KCNH2: variants seen among roughly 807,000 people sequenced by gnomAD.
KCNH2 encodes potassium voltage-gated channel subfamily H member 2.
In KCNH2, 35 loss-of-function variants were observed where a neutral mutation model predicts 95.9. The ratio of observed to expected loss-of-function variants is 0.37; its 90% CI spans 0.28 to 0.48. The LOEUF is 0.48. Among genes scored for constraint, KCNH2 ranks in the 20% least tolerant of loss-of-function variants. KCNH2 has a pLI of 0.99. For missense variants in KCNH2, 1,274 were observed against 1,702.9 expected (o/e 0.75, Z 4.43); for synonymous variants, 786 against 754.7 (o/e 1.04, Z -0.68).
chr7:150,957,845 A>G lies in KCNH2; in HGVS notation c.916+214T>C, dbSNP rs41314411. Among the ~76,000 whole-genome samples, 84 of 152,370 alleles carry G rather than the reference A, an allele frequency of 5.5e-4. 1 individual carries two copies. The highest frequency in any genetic ancestry group is 2.0e-3 in the African/African-American group (82 of 41,594). On this transcript the variant is annotated intron_variant, in intron 4 of 14. Coordinates refer to ENST00000262186, the MANE Select transcript of KCNH2 (RefSeq NM_000238.4). ...GGACAGCCAGCTCCAGGGGCCCACC[A>G]GGGCTCTGGGAGTGGAAGAATGTAA...
Position 150,945,246 on chromosome 7 carries a change from T to C in KCNH2, c.*119A>G. The C allele has an allele frequency of 8.8e-7, 1 of 1,139,062 alleles. No homozygotes were observed. Among genetic ancestry groups the C allele is most frequent in the African/African-American group, 1.6e-5 (1 of 64,352 alleles). 70.6% of individuals were successfully genotyped at this position (1,139,062 alleles called of 1,614,324 possible). A position where few individuals can be genotyped will look rare whatever the true frequency, so the allele number is the denominator to read the frequency against. ...GTCCCAAGGGCTGGGGGAGGAGCTG[T>C]GCTTTCGAGTTCCTCTCCCCTTCCA... On this transcript the variant is annotated 3_prime_UTR_variant, in exon 15 of 15. Coordinates refer to ENST00000262186, the MANE Select transcript of KCNH2 (RefSeq NM_000238.4). The surrounding 1 kb of genome is among the most constrained non-coding windows in gnomAD (Gnocchi z 5.6).
At position 150,946,703 on chromosome 7, in the gene KCNH2, C is replaced by G. The variant is rs977451601; in HGVS notation, c.3330+174G>C. ...GGGGACTCTCCTGCCCTACCCTGAG[C>G]CTGCAGCTCCTGAAGCAGCCTTCCT... On this transcript the variant is annotated intron_variant, in intron 14 of 14. Coordinates refer to ENST00000262186, the MANE Select transcript of KCNH2 (RefSeq NM_000238.4). The surrounding 1 kb of genome is among the most constrained non-coding windows in gnomAD (Gnocchi z 6.5). Among the ~76,000 whole-genome samples, 1 of 152,166 alleles carries G rather than the reference C, an allele frequency of 6.6e-6. No individual in the cohort carries two copies. The highest frequency in any genetic ancestry group is 2.4e-5 in the African/African-American group (1 of 41,434).
At chr7:150,976,979 C>T (rs1036908341) in intron 1 of KCNH2, among the ~76,000 whole-genome samples, 5 of 152,132 alleles carry the variant, frequency 3.3e-5, no homozygotes, top group African/African-American at 1.2e-4. Flanking sequence ...TCCCAACTCC[C>T]AGGGCCCTTG....
chr7:150,974,877 G>A lies in KCNH2; in HGVS notation c.141C>T (p.Gly47=). 1.2e-6 allele frequency: 2 copies of A among 1,612,168 alleles called. No individual in the cohort carries two copies. Among genetic ancestry groups the A allele is most frequent in the Non-Finnish European group, 1.7e-6 (2 of 1,179,368 alleles). Reference sequence around the variant, plus strand: ...GCGAGTAGCCGCACAGCTCGCAGAAGCCGTCGTTGCAGTAGATGACGGCGC... The same window carrying A: ...GCGAGTAGCCGCACAGCTCGCAGAAACCGTCGTTGCAGTAGATGACGGCGC... ...ENCAVIYCND[G]FCELCGYSRA... Residue 47 remains glycine (G), a synonymous_variant, in exon 2 of 15, where the codon GGC becomes GGT. Coordinates refer to ENST00000262186, the MANE Select transcript of KCNH2 (RefSeq NM_000238.4).
rs199472979 is a variant in KCNH2 at position 150,951,087 on chromosome 7, G to A, written c.1979C>T (p.Ser660Leu). The A allele has an allele frequency of 6.2e-6, 10 of 1,612,548 alleles. No individual in the cohort carries two copies. The highest frequency in any genetic ancestry group is 1.3e-5 in the African/African-American group (1 of 74,938). The change falls in exon 8 of 15, where the codon TCG becomes TTG. Residue 660 changes from serine (S) to leucine (L), a missense_variant. Physicochemically the swap from Ser to Leu is moderately radical, Grantham distance 145. Coordinates refer to ENST00000262186, the MANE Select transcript of KCNH2 (RefSeq NM_000238.4). The part of the protein sequence containing the change: ...LMYASIFGNV[S>L]AIIQRLYSGT... ...CGAGTACAGCCGCTGGATGATGGCC[G>A]ACACGTTGCCGAAGATGCTAGCATA...
intron 2 of KCNH2, among the ~76,000 whole-genome samples, chr7:150,960,596 G>T (rs1373545805): frequency 6.6e-6 from 1 of 152,172 alleles, no homozygotes; most frequent in Admixed American, 6.5e-5. Flanking sequence ...CAAAATCCAC[G>T]CATGTGCTCT....
intron 1 of KCNH2, among the ~76,000 whole-genome samples, chr7:150,975,719 G>A (rs1221500777): frequency 1.3e-5 from 2 of 152,232 alleles, no homozygotes; most frequent in Non-Finnish European, 2.9e-5. Context: ...AAATGATAGA[G>A]CCAGCTTTTG....
intron 4 of KCNH2, among the ~76,000 whole-genome samples, chr7:150,957,853 G>A (rs1801430024): frequency 6.6e-6 from 1 of 152,254 alleles, no homozygotes; most frequent in Admixed American, 6.5e-5. Flanking sequence ...CCAGGGCTCT[G>A]GGAGTGGAAG....
In KCNH2 at chr7:150,974,868, C is replaced by A. The variant is rs199472841; in HGVS notation, c.150G>T (p.Glu50Asp). 2 of 1,611,780 alleles carry A rather than the reference C, an allele frequency of 1.2e-6. No homozygotes were observed. The highest frequency in any genetic ancestry group is 1.7e-6 in the Non-Finnish European group (2 of 1,179,256). ...AVIYCNDGFC[E>D]LCGYSRAEVM... is the part of the protein sequence containing the mutation. ...CCTCGGCCCGCGAGTAGCCGCACAG[C>A]TCGCAGAAGCCGTCGTTGCAGTAGA... is the stretch of plus-strand genomic sequence containing the variant. Residue 50 changes from glutamate (E) to aspartate (D), a missense_variant, in exon 2 of 15, where the codon GAG becomes GAT. By Grantham distance (45) the Glu-to-Asp change is conservative. This residue lies in a region of KCNH2 where 85 missense variants were observed against 174.7 expected (regional missense o/e 0.49). Transcript: ENST00000262186.
At chr7:150,960,904 C>G (rs971743863) in intron 2 of KCNH2, among the ~76,000 whole-genome samples, 1 of 150,888 alleles carries the variant, frequency 6.6e-6, no homozygotes, top group Non-Finnish European at 1.5e-5. Context: ...CTGAAGGAGC[C>G]CCTTTTAGGC....
rs1802015561 is a variant in KCNH2, at chr7:150,977,833, C to T, written c.76+5G>A. The T allele has an allele frequency of 6.3e-7, 1 of 1,591,206 alleles. No homozygotes were observed. The highest frequency in any genetic ancestry group is 8.6e-7 in the Non-Finnish European group (1 of 1,167,674). ...CCTCCCCGCTCAGCCCCCTCCCCCACTCACTCTGGCCCTCAAACTTGCGGA... is the reference window on the plus strand; with the variant it reads ...CCTCCCCGCTCAGCCCCCTCCCCCATTCACTCTGGCCCTCAAACTTGCGGA... On this transcript the variant is annotated splice_donor_5th_base_variant and intron_variant, in intron 1 of 14. Transcript: ENST00000262186.
In KCNH2 at chr7:150,961,294, CTTTTTTT is replaced by C. The variant is rs58129336; in HGVS notation, c.308-1565_308-1559del. The stretch of plus-strand genomic sequence containing the variant: ...ACTCCATCTTAGCAACCCAGCCTCA[CTTTTTTT>C]TTTTTTTTTTTTCTGAGACAGGGTT... On this transcript the variant is annotated intron_variant, in intron 2 of 14. Transcript: ENST00000262186. The surrounding 1 kb of genome is among the most constrained non-coding windows in gnomAD (Gnocchi z 6.2). Among the ~76,000 whole-genome samples the C allele has an allele frequency of 1.6e-5, 2 of 122,132 alleles. No individual in the cohort carries two copies. Among genetic ancestry groups the C allele is most frequent in the African/African-American group, 6.3e-5 (2 of 31,686 alleles). 80.1% of individuals were successfully genotyped at this position (122,132 alleles called of 152,430 possible).
chr7:150,957,739 C>G lies in KCNH2; in HGVS notation c.917-237G>C, dbSNP rs1023846869. On this transcript the variant is annotated intron_variant, in intron 4 of 14. Coordinates refer to ENST00000262186, the MANE Select transcript of KCNH2 (RefSeq NM_000238.4). ...GAAGAGGAAACGGTCTGCTCCAGGA[C>G]GCTGGCAGGCAGGGGGCCAGGTGGT... is the stretch of plus-strand genomic sequence containing the variant. Among the ~76,000 whole-genome samples, 30 of 152,226 alleles carry G rather than the reference C, an allele frequency of 2.0e-4. 2 individuals are homozygous for G. The highest frequency in any genetic ancestry group is 5.9e-5 in the Non-Finnish European group (4 of 68,032).
chr7:150,967,948 G>A (rs747779043), intron 2 of KCNH2, among the ~76,000 whole-genome samples: 4 of 152,168 alleles, frequency 2.6e-5, no homozygotes, highest in South Asian at 2.1e-4. Context: ...GACAAAAGAC[G>A]GCGACGTCAA....
chr7:150,957,623 G>C, intron 4 of KCNH2, 121 bp from the exon 5 acceptor site: 1 of 746,652 alleles, frequency 1.3e-6, no homozygotes, highest in South Asian at 1.5e-5. Flanking sequence ...GTCAGCTCAA[G>C]AGACCAGGGG....
In KCNH2 at chr7:150,957,432, G is replaced by A; in HGVS notation, c.987C>T (p.Thr329=). ...TSDSDLVRYR[T]ISKIPQITLN... ...GGGTGATTTGGGGAATCTTGCTAAT[G>A]GTGCGGTAGCGCACGAGGTCGGAGT... Residue 329 remains threonine, a synonymous_variant, in exon 5 of 15, where the codon ACC becomes ACT. Coordinates refer to ENST00000262186, the MANE Select transcript of KCNH2 (RefSeq NM_000238.4). 3 of 1,614,212 alleles carry A rather than the reference G, an allele frequency of 1.9e-6. No homozygotes were observed. Among genetic ancestry groups the A allele is most frequent in the Non-Finnish European group, 2.5e-6 (3 of 1,179,996 alleles).
Position 150,948,413 on chromosome 7 carries a change from CCCTCCCCCTTCCT to C in KCNH2, c.2692+18_2692+30del. 2.8e-6 allele frequency: 3 copies of C among 1,069,750 alleles called. No homozygotes were observed. The highest frequency in any genetic ancestry group is 1.9e-5 in the Admixed American group (1 of 53,042). 66.3% of individuals were successfully genotyped at this position (1,069,750 alleles called of 1,614,324 possible). Reference sequence around the variant, plus strand: ...AGCTCCCAGCCTCACCTTGTCCCCGCCCTCCCCCTTCCTCCCCTCCCCCGCCTCACCCTTGTCC... The same window carrying C: ...AGCTCCCAGCCTCACCTTGTCCCCGCCCCCTCCCCCGCCTCACCCTTGTCC... On this transcript the variant is annotated intron_variant, in intron 11 of 14. Transcript: ENST00000262186.
chr7:150,945,310 G>A lies in KCNH2; in HGVS notation c.*55C>T. 6.5e-7 allele frequency: 1 copy of A among 1,542,762 alleles called. No homozygotes were observed. Among genetic ancestry groups the A allele is most frequent in the South Asian group, 1.2e-5 (1 of 83,460 alleles). On this transcript the variant is annotated 3_prime_UTR_variant, in exon 15 of 15. Coordinates refer to ENST00000262186, the MANE Select transcript of KCNH2 (RefSeq NM_000238.4). The surrounding 1 kb of genome is among the most constrained non-coding windows in gnomAD (Gnocchi z 5.6). ...CTGAGCAGGGCCTCCAAGGGGAGCG[G>A]CCCAGCAGCGCCTTGATCCCTGGGT...
Position 150,950,436 on chromosome 7 carries a change from G to C in KCNH2, c.2146-16C>G, listed in dbSNP as rs375568514. The stretch of plus-strand genomic sequence containing the variant: ...CCTTCAGCACCTGGGGGCAGGGTGG[G>C]GGCAGCTCAGCACACCCTCCCTTGG... On this transcript the variant is annotated splice_polypyrimidine_tract_variant and intron_variant, in intron 8 of 14. Coordinates refer to ENST00000262186, the MANE Select transcript of KCNH2 (RefSeq NM_000238.4). 1 of 1,610,100 alleles carries C rather than the reference G, an allele frequency of 6.2e-7. No homozygotes were observed. The highest frequency in any genetic ancestry group is 1.1e-5 in the South Asian group (1 of 90,938).
Sources: gnomAD v4.1 joint callset for allele counts (sites outside exome capture counted in the v4.1 genomes callset) on GRCh38, gnomAD v4.1.1 for gene constraint, gnomAD v4.1.1 regional missense constraint, Gnocchi (gnomAD v3.1) non-coding constraint, MANE v1.5 for transcripts, NCBI Gene and HGNC (gene_info 2026-07-23, HGNC 2026-07-21) for gene names.